The following TRIM4 variants were observed in gnomAD, a reference collection of about 807,000 sequenced individuals.
TRIM4 encodes tripartite motif containing 4.
A neutral mutation model predicts 33.7 loss-of-function variants in TRIM4; 29 were observed. The observed-to-expected ratio is 0.86, with a 90% CI of 0.64 to 1.17. TRIM4 has a LOEUF of 1.17. Among genes scored for constraint, TRIM4 ranks in the 50% most tolerant of loss-of-function variants. TRIM4 has a pLI of 0.00. For missense variants in TRIM4, 554 were observed against 593.7 expected, an observed-to-expected ratio of 0.93 and a Z score of 0.69; for synonymous variants, 224 against 233.0, an observed-to-expected ratio of 0.96 and a Z score of 0.35.
chr7:99,898,469 G>A (rs189663704), intron 5 of TRIM4, among the ~76,000 whole-genome samples: 151 of 152,362 alleles, frequency 9.9e-4, no homozygotes, highest in Non-Finnish European at 1.9e-3. Context: ...CCTTGGGGAT[G>A]GCTACAGGTA....
Position 99,892,106 on chromosome 7 carries a change from A to AT in TRIM4, c.*56dup. On this transcript the variant is annotated 3_prime_UTR_variant, in exon 6 of 6. Coordinates refer to ENST00000349062, the MANE Select transcript of TRIM4 (RefSeq NM_033091.3). ...ATGAAGGGCAGAAGAGGGCCCAGGG[A>AT]TGTGTGTCCCTCAGCTGGACTACAG... 1 of 1,438,848 alleles carries AT rather than the reference A, an allele frequency of 7.0e-7. No individual in the cohort carries two copies. The highest frequency in any genetic ancestry group is 9.4e-7 in the Non-Finnish European group (1 of 1,060,370). The allele number at this position is 1,438,848 out of a possible 1,614,324, so 89.1% of individuals were successfully genotyped here.
In TRIM4 at chr7:99,919,061, TC is replaced by T. The variant is rs1297420288; in HGVS notation, c.340del (p.Glu114SerfsTer32). 2.5e-6 allele frequency: 4 copies of T among 1,576,458 alleles called. No homozygotes were observed. Among genetic ancestry groups the T allele is most frequent in the Non-Finnish European group, 3.4e-6 (4 of 1,163,454 alleles). ...GGGTGCCATGGCGTGAGTCTGGTGC[TC>T]CTGGGACTCCCTGCACACCAGGCAC... ...PVCLVCRESQ[E>X]HQTHAMAPID... is the part of the protein sequence containing the mutation. On this transcript the variant is annotated frameshift_variant, in exon 1 of 6. Coordinates refer to ENST00000349062, the MANE Select transcript of TRIM4 (RefSeq NM_033091.3). LOFTEE classifies it high-confidence loss of function.
intron 5 of TRIM4, among the ~76,000 whole-genome samples, chr7:99,895,536 T>A (rs552515940): frequency 7.6e-4 from 115 of 152,298 alleles, no homozygotes; most frequent in African/African-American, 2.7e-3. Flanking sequence ...TTGGGTAGAG[T>A]GTTCTATAAA....
At chr7:99,899,986 A>G (rs1398272355) in intron 5 of TRIM4, among the ~76,000 whole-genome samples, 1 of 152,150 alleles carries the variant, frequency 6.6e-6, no homozygotes, top group Non-Finnish European at 1.5e-5. Context: ...GGGTCTCACT[A>G]TGTTGCCCAG....
chr7:99,916,631 C>A, intron 1 of TRIM4: 1 of 754,674 alleles, frequency 1.3e-6, no homozygotes, highest in South Asian at 1.4e-5. Flanking sequence ...AGTCATTCAA[C>A]TCCAGCTCAT....
chr7:99,914,600 C>T (rs561202605), intron 1 of TRIM4, among the ~76,000 whole-genome samples: 4 of 152,234 alleles, frequency 2.6e-5, no homozygotes, highest in African/African-American at 7.2e-5. Flanking sequence ...CGTTTCACAT[C>T]GCATGCCACC....
intron 5 of TRIM4, 148 bp from the exon 6 acceptor site, chr7:99,892,894 C>A (rs1213165471): frequency 5.6e-6 from 4 of 713,946 alleles, no homozygotes; most frequent in Non-Finnish European, 9.1e-6. Context: ...TCAGCCAGGC[C>A]TAGCAGGCCA....
rs374963870 is a variant in TRIM4 at position 99,892,283 on chromosome 7, G to A, written c.1305C>T (p.Ser435=). 24 of 1,614,058 alleles carry A rather than the reference G, an allele frequency of 1.5e-5. No individual in the cohort carries two copies. In the East Asian group the frequency reaches 1.8e-4, roughly 12 times the overall value. ...DRGTGNVSFY[S]AVDGVHLHTF... is the part of the protein sequence containing the mutation. ...TGTGCAGGTGCACTCCGTCCACAGC[G>A]CTGTAGAAGGAGACATTCCCAGTCC... is the stretch of plus-strand genomic sequence containing the variant. The change falls in exon 6 of 6, where the codon AGC becomes AGT. Residue 435 remains serine (S), a synonymous_variant. Transcript: ENST00000349062.
At chr7:99,902,196 G>A (rs182926807) in intron 5 of TRIM4, 63 of 762,342 alleles carry the variant, frequency 8.3e-5, no homozygotes, top group Middle Eastern at 2.3e-4. Flanking sequence ...AAAACAACTC[G>A]TTTATTTACT....
intron 5 of TRIM4, chr7:99,902,126 T>C (rs1437469459): frequency 7.8e-6 from 6 of 765,184 alleles, no homozygotes; most frequent in African/African-American, 6.8e-5. Context: ...TTGAAAACGG[T>C]TGTTTCACAT....
intron 5 of TRIM4, among the ~76,000 whole-genome samples, chr7:99,900,424 T>C (rs1317661009): frequency 6.6e-6 from 1 of 152,216 alleles, no homozygotes; most frequent in South Asian, 2.1e-4. Flanking sequence ...TTTTGACCAA[T>C]ATCTGGGCAC....
In TRIM4 at chr7:99,908,658, TG is replaced by T; in HGVS notation, c.643del (p.Gln215LysfsTer6). On this transcript the variant is annotated frameshift_variant, in exon 3 of 6. Coordinates refer to ENST00000349062, the MANE Select transcript of TRIM4 (RefSeq NM_033091.3). LOFTEE classifies it high-confidence loss of function. The stretch of plus-strand genomic sequence containing the variant: ...GAGCTTCTTCAATGAAGCGATAGTT[TG>T]ATTGAGTTTTAACGTGTTCTCATTC... ...KLNENTLKLN[Q>X]TIASLKKLIL... 6.2e-7 allele frequency: 1 copy of T among 1,614,218 alleles called. No homozygotes were observed. Among genetic ancestry groups the T allele is most frequent in the South Asian group, 1.1e-5 (1 of 91,084 alleles).
Position 99,919,395 on chromosome 7 carries a change from C to T in TRIM4, c.7G>A (p.Ala3Thr), listed in dbSNP as rs140455029. ...GTCAACTCCTCCTGGATGTCCTCAG[C>T]TTCCATGCTGCTTCCCTGCCGCGGA... ME[A>T]EDIQEELTCP... Residue 3 changes from alanine to threonine, a missense_variant, in exon 1 of 6, where the codon GCT (alanine) becomes ACT (threonine). Physicochemically the swap from Ala to Thr is moderately conservative, Grantham distance 58. Transcript: ENST00000349062. 1.9e-6 allele frequency: 3 copies of T among 1,553,692 alleles called. No individual in the cohort carries two copies. Among genetic ancestry groups the T allele is most frequent in the Non-Finnish European group, 2.6e-6 (3 of 1,152,694 alleles).
chr7:99,891,224 A>T lies in TRIM4; in HGVS notation c.*939T>A, dbSNP rs1480560698. 1 of 152,198 alleles carries T rather than the reference A, an allele frequency of 6.6e-6. No homozygotes were observed. The highest frequency in any genetic ancestry group is 1.5e-5 in the Non-Finnish European group (1 of 68,052). The allele number at this position is 152,198 out of a possible 1,614,324, so 9.4% of individuals were successfully genotyped here. On this transcript the variant is annotated 3_prime_UTR_variant, in exon 6 of 6. Coordinates refer to ENST00000349062, the MANE Select transcript of TRIM4 (RefSeq NM_033091.3). ...TAAAGGGAGAGTAGATAAGAACTGGATTTTAATCCCAACACTGCCATTTAC... is the reference window on the plus strand; with the variant it reads ...TAAAGGGAGAGTAGATAAGAACTGGTTTTTAATCCCAACACTGCCATTTAC...
intron 5 of TRIM4, among the ~76,000 whole-genome samples, chr7:99,896,283 C>T (rs1406382276): frequency 1.3e-5 from 2 of 152,114 alleles, no homozygotes; most frequent in African/African-American, 4.8e-5. Flanking sequence ...CACTTCCAAG[C>T]TAAGAAATGT....
At chr7:99,909,210 A>T (rs1041978187) in intron 2 of TRIM4, among the ~76,000 whole-genome samples, 2 of 151,810 alleles carry the variant, frequency 1.3e-5, no homozygotes. Flanking sequence ...CCATGGGCCC[A>T]AACCGACTCT....
chr7:99,896,503 G>A (rs1391980753), intron 5 of TRIM4, among the ~76,000 whole-genome samples: 1 of 152,178 alleles, frequency 6.6e-6, no homozygotes, highest in Non-Finnish European at 1.5e-5. Context: ...TTCGTGTCCA[G>A]CCCACTGCTC....
chr7:99,892,324 C>T lies in TRIM4; in HGVS notation c.1264G>A (p.Val422Ile), dbSNP rs1232582237. The T allele has an allele frequency of 3.1e-6, 5 of 1,614,090 alleles. No individual in the cohort carries two copies. The Admixed American group carries it at 5.0e-5, about 16-fold the overall frequency. Residue 422 changes from valine (V) to isoleucine (I), a missense_variant, in exon 6 of 6, where the codon GTT (valine) becomes ATT (isoleucine). Val to Ile is a conservative substitution (Grantham distance 29, BLOSUM62 3). Around this residue, in one of 3 missense-constraint regions of TRIM4, gnomAD observed 290 missense variants for 335.8 expected, o/e 0.86. Transcript: ENST00000349062. Reference protein sequence around the residue: ...QQEPALHRVGVYLDRGTGNVS... With the variant: ...QQEPALHRVGIYLDRGTGNVS... Reference sequence around the variant, plus strand: ...TTCCCAGTCCCACGATCCAGGTAAACCCCCACTCGGTGGAGAGCTGGCTCT... The same window carrying T: ...TTCCCAGTCCCACGATCCAGGTAAATCCCCACTCGGTGGAGAGCTGGCTCT...
intron 5 of TRIM4, among the ~76,000 whole-genome samples, chr7:99,894,521 G>T (rs1247859806): frequency 1.3e-5 from 2 of 151,930 alleles, no homozygotes; most frequent in East Asian, 3.9e-4. Context: ...ACAAAAATTA[G>T]CCAGGCATGG....
Sources: gnomAD v4.1 joint callset for allele counts (sites outside exome capture counted in the v4.1 genomes callset) on GRCh38, gnomAD v4.1.1 for gene constraint, gnomAD v4.1.1 regional missense constraint, MANE v1.5 for transcripts, NCBI Gene and HGNC (gene_info 2026-07-23, HGNC 2026-07-21) for gene names.